Variants in SV2C observed in about 807,000 individuals in gnomAD.
SV2C encodes synaptic vesicle glycoprotein 2C.
Under a neutral mutation model 79.7 loss-of-function variants are expected in SV2C, and 49 were observed. The ratio of observed to expected loss-of-function variants is 0.61; its 90% confidence interval spans 0.49 to 0.78. The LOEUF (loss-of-function observed/expected upper bound fraction) is 0.78. SV2C is among the 30% of genes least tolerant of loss of function. The pLI, the probability that SV2C is intolerant of heterozygous loss-of-function variation, is 0.00. For missense variants in SV2C, 833 were observed against 912.9 expected (o/e 0.91, Z 1.13); for synonymous variants, 334 against 333.2 (o/e 1.00, Z -0.03).
At chr5:75,961,314 CTATT>C in the SV2C span, among the ~76,000 whole-genome samples, 3 of 151,870 alleles carry the variant, frequency 2.0e-5, no homozygotes, top group Non-Finnish European at 4.4e-5. Context: ...AAATTATTGT[CTATT>C]TATTCCATTA....
the SV2C span, among the ~76,000 whole-genome samples, chr5:76,067,735 AT>A: frequency 6.6e-6 from 1 of 152,026 alleles, no homozygotes; most frequent in South Asian, 2.1e-4. Context: ...ATGTGTCTCT[AT>A]GTATTCAACA....
In SV2C at chr5:76,130,145, T is replaced by TAAAAA. The variant is rs375351450; in HGVS notation, c.-101-1474_-101-1470dup. ...CTCCCTTTCTCTTCCTCTCAGTTCT[T>TAAAAA]AAAAAAAAAAAAAAAAAAAAAAAAA... On this transcript the variant is annotated intron_variant, in intron 1 of 12. Transcript: ENST00000502798. Among the ~76,000 whole-genome samples, 357 of 67,764 alleles carry TAAAAA rather than the reference T, an allele frequency of 5.3e-3. 5 individuals carry two copies. The highest frequency in any genetic ancestry group is 6.0e-3 in the African/African-American group (69 of 11,434). 44.5% of individuals were successfully genotyped at this position (67,764 alleles called of 152,430 possible). A position where few individuals can be genotyped will look rare whatever the true frequency, so the allele number is the denominator to read the frequency against.
Position 76,294,651 on chromosome 5 carries a change from C to T in SV2C, c.1338-1127C>T, listed in dbSNP as rs113368302. 9.2e-4 allele frequency among the ~76,000 whole-genome samples: 140 copies of T among 151,952 alleles called. 1 individual carries two copies. Among genetic ancestry groups the T allele is most frequent in the South Asian group, 5.2e-3 (25 of 4,814 alleles). On this transcript the variant is annotated intron_variant, in intron 8 of 12. Transcript: ENST00000502798. ...CAACAATTTTTACCTTCTTTTTTTC[C>T]GTAAGTCTTCAAAATCCTGTGGTAT...
At chr5:76,257,438 G>A (rs1746320290) in intron 4 of SV2C, among the ~76,000 whole-genome samples, 1 of 119,012 alleles carries the variant, frequency 8.4e-6, no homozygotes, top group East Asian at 2.8e-4. Flanking sequence ...GTAATGTGCA[G>A]TATATGGGTG....
intron 12 of SV2C, among the ~76,000 whole-genome samples, chr5:76,307,880 GCTTT>G (rs1247531295): frequency 2.0e-5 from 3 of 151,914 alleles, no homozygotes; most frequent in Non-Finnish European, 4.4e-5. Context: ...CTTTGCTAGG[GCTTT>G]CTATTTTTTC....
the SV2C span, among the ~76,000 whole-genome samples, chr5:75,906,313 A>G: frequency 6.6e-6 from 1 of 152,084 alleles, no homozygotes; most frequent in African/African-American, 2.4e-5. Flanking sequence ...GTGCCAGGAA[A>G]TTTTCTTACC....
chr5:76,175,953 A>G (rs995623754), intron 2 of SV2C, among the ~76,000 whole-genome samples: 5 of 152,152 alleles, frequency 3.3e-5, no homozygotes, highest in African/African-American at 9.7e-5. Flanking sequence ...TGACAGCATC[A>G]TCCGAAAGTC....
chr5:76,044,645 A>G, the SV2C span, among the ~76,000 whole-genome samples: 5 of 152,096 alleles, frequency 3.3e-5, no homozygotes, highest in Admixed American at 1.3e-4. Flanking sequence ...TTTGATTTGC[A>G]TTTCTCTAAT....
chr5:75,877,487 T>C, the SV2C span, among the ~76,000 whole-genome samples: 1 of 151,852 alleles, frequency 6.6e-6, no homozygotes, highest in East Asian at 1.9e-4. Flanking sequence ...CACACATCAT[T>C]CTCCAGGATA....
At chr5:76,263,260 TTTTTTGTTTTTG>T (rs889485387) in intron 4 of SV2C, among the ~76,000 whole-genome samples, 10 of 151,432 alleles carry the variant, frequency 6.6e-5, no homozygotes, top group South Asian at 2.1e-4. Context: ...CAACCCCTGC[TTTTTTGTTTTTG>T]TTTTTGTTTT....
intron 4 of SV2C, among the ~76,000 whole-genome samples, chr5:76,211,158 C>T (rs1167718692): frequency 6.6e-6 from 1 of 152,150 alleles, no homozygotes; most frequent in Non-Finnish European, 1.5e-5. Flanking sequence ...AGCCCCACCT[C>T]TTCTGGCAAC....
intron 4 of SV2C, among the ~76,000 whole-genome samples, chr5:76,271,666 G>A (rs948777003): frequency 8.2e-6 from 1 of 122,078 alleles, no homozygotes; most frequent in African/African-American, 3.2e-5. Flanking sequence ...ACAGGGTTTC[G>A]CCATGTTGGT....
intron 12 of SV2C, among the ~76,000 whole-genome samples, chr5:76,321,748 A>C (rs904958434): frequency 1.8e-5 from 1 of 54,606 alleles, no homozygotes; most frequent in Non-Finnish European, 3.5e-5. Flanking sequence ...TCATCTCTGA[A>C]AAAAAAAAAA....
chr5:75,895,380 T>C, the SV2C span, among the ~76,000 whole-genome samples: 2 of 152,142 alleles, frequency 1.3e-5, no homozygotes, highest in East Asian at 3.8e-4. Flanking sequence ...TTTAAATATG[T>C]TCAAATAACT....
At chr5:76,166,980 G>A (rs1404138169) in intron 2 of SV2C, among the ~76,000 whole-genome samples, 2 of 152,184 alleles carry the variant, frequency 1.3e-5, no homozygotes, top group African/African-American at 2.4e-5. Context: ...AGCACTTAAA[G>A]GAAGTCAAGC....
chr5:76,290,378 A>G (rs900733037), intron 6 of SV2C, among the ~76,000 whole-genome samples: 2 of 152,218 alleles, frequency 1.3e-5, no homozygotes, highest in Non-Finnish European at 2.9e-5. Flanking sequence ...AAACCTGTTC[A>G]AACCTCTGGC....
At position 76,190,682 on chromosome 5, in the gene SV2C, G is replaced by T. The variant is rs116292747; in HGVS notation, c.581-4237G>T. Reference sequence around the variant, plus strand: ...GGTCAAGGAGAGATTGTGTGTCACTGGGCCTCTATTGTAGACACACCTCAG... The same window carrying T: ...GGTCAAGGAGAGATTGTGTGTCACTTGGCCTCTATTGTAGACACACCTCAG... On this transcript the variant is annotated intron_variant, in intron 2 of 12. Coordinates refer to ENST00000502798, the MANE Select transcript of SV2C (RefSeq NM_014979.4). Among the ~76,000 whole-genome samples the T allele has an allele frequency of 1.7e-3, 256 of 152,242 alleles. 1 individual carries two copies. The highest frequency in any genetic ancestry group is 2.2e-3 in the Non-Finnish European group (148 of 68,010).
the SV2C span, among the ~76,000 whole-genome samples, chr5:76,004,696 C>T: frequency 6.6e-6 from 1 of 152,198 alleles, no homozygotes; most frequent in East Asian, 1.9e-4. Flanking sequence ...GTGACACGCC[C>T]TCAGATGCAT....
chr5:76,252,421 C>T (rs10075253), intron 4 of SV2C, among the ~76,000 whole-genome samples: 13,616 of 152,222 alleles, frequency 0.089, 858 homozygotes, highest in Non-Finnish European at 0.14. Context: ...CGCTCCCAGC[C>T]GCAGTGATAC....
Sources: gnomAD v4.1 joint callset for allele counts (sites outside exome capture counted in the v4.1 genomes callset) on GRCh38, gnomAD v4.1.1 for gene constraint, MANE v1.5 for transcripts, NCBI Gene and HGNC (gene_info 2026-07-23, HGNC 2026-07-21) for gene names.